CDIN1: variants seen among roughly 807,000 people sequenced by gnomAD.
CDIN1 encodes CDAN1-interacting nuclease 1.
A neutral mutation model predicts 45.3 loss-of-function variants in CDIN1; 33 were observed. The ratio of observed to expected loss-of-function variants is 0.73; its 90% CI spans 0.55 to 0.97. The LOEUF is 0.97. Ranked by LOEUF, CDIN1 falls within the 50% of genes least tolerant of loss-of-function variation. The probability of loss-of-function intolerance (pLI) is 0.00; values close to 1 mark genes in which losing one functional copy is unlikely to be tolerated. For synonymous variants in CDIN1, 118 were observed against 124.4 expected (o/e 0.95, Z 0.34); for missense variants, 303 against 339.4 (o/e 0.89, Z 0.84).
At chr15:36,579,996 G>T in intron 1 of CDIN1, 35 bp downstream of exon 1, 1 of 1,583,724 alleles carries the variant, frequency 6.3e-7, no homozygotes, top group Non-Finnish European at 8.6e-7. Flanking sequence ...ACAGCCCTTT[G>T]CCTGCAGCAG....
At chr15:36,617,992 C>G in intron 1 of CDIN1, 2 of 783,284 alleles carry the variant, frequency 2.6e-6, no homozygotes, top group Non-Finnish European at 4.7e-6. Flanking sequence ...CACAGTATGC[C>G]TCCCCAGTCT....
intron 10 of CDIN1, among the ~76,000 whole-genome samples, chr15:36,797,943 G>A (rs1336377933): frequency 7.2e-6 from 1 of 139,688 alleles, no homozygotes; most frequent in Non-Finnish European, 1.5e-5. Flanking sequence ...TCACACCACT[G>A]CACTCCAGCC....
intron 10 of CDIN1, among the ~76,000 whole-genome samples, chr15:36,726,297 G>C (rs541998937): frequency 1.3e-5 from 2 of 152,224 alleles, no homozygotes; most frequent in East Asian, 3.9e-4. Flanking sequence ...CCCACTATCA[G>C]CTGAGCACAT....
chr15:36,701,121 G>T, intron 8 of CDIN1, among the ~76,000 whole-genome samples: 1 of 82,166 alleles, frequency 1.2e-5, no homozygotes, highest in East Asian at 5.7e-4. Context: ...TAGATAGGTA[G>T]GTAGATAGAT....
rs536907662 is a variant in CDIN1, at chr15:36,770,859, TAG to T, written c.717-37462_717-37461del. Among the ~76,000 whole-genome samples, 398 of 152,318 alleles carry T rather than the reference TAG, an allele frequency of 2.6e-3. 2 individuals carry two copies. The highest frequency in any genetic ancestry group is 3.4e-3 in the Non-Finnish European group (231 of 68,016). On this transcript the variant is annotated intron_variant, in intron 10 of 10. Transcript: ENST00000566621. Reference sequence around the variant, plus strand: ...CAGTGGCTCCCAAACTGCTGCACATTAGAGTCACCTGGTAGCTATAAAAATGC... The same window carrying T: ...CAGTGGCTCCCAAACTGCTGCACATTAGTCACCTGGTAGCTATAAAAATGC...
chr15:36,783,802 G>A (rs2054415873), intron 10 of CDIN1, among the ~76,000 whole-genome samples: 1 of 152,202 alleles, frequency 6.6e-6, no homozygotes, highest in South Asian at 2.1e-4. Flanking sequence ...AACCCACACT[G>A]CTCATAATGG....
intron 10 of CDIN1, among the ~76,000 whole-genome samples, chr15:36,731,709 C>T (rs1234026788): frequency 6.6e-6 from 1 of 152,122 alleles, no homozygotes; most frequent in East Asian, 1.9e-4. Context: ...AATAACTCAA[C>T]TTAATATTTA....
chr15:36,647,490 T>C (rs1788404855), intron 3 of CDIN1: 1 of 152,198 alleles, frequency 6.6e-6, no homozygotes. Flanking sequence ...TAATGGGCAG[T>C]CTCAGAAGAA....
chr15:36,611,031 A>G (rs1369350605), intron 1 of CDIN1, among the ~76,000 whole-genome samples: 2 of 152,222 alleles, frequency 1.3e-5, no homozygotes, highest in Non-Finnish European at 1.5e-5. Context: ...CTTCTGACTC[A>G]TTCTCTTAGC....
intron 1 of CDIN1, among the ~76,000 whole-genome samples, chr15:36,621,170 G>A (rs1247906067): frequency 6.6e-6 from 1 of 152,152 alleles, no homozygotes; most frequent in Non-Finnish European, 1.5e-5. Context: ...CCATATGTTA[G>A]ATTATGTGTG....
rs565806919 is a variant in CDIN1 at position 36,637,665 on chromosome 15, G to A, written c.102-6613G>A. On this transcript the variant is annotated intron_variant, in intron 1 of 10. Transcript: ENST00000566621. ...GAATGTACACCAAGAGACTCACCCA[G>A]GAGTGAGTCCACAGTAGTAATATTC... Among the ~76,000 whole-genome samples, 118 of 152,174 alleles carry A rather than the reference G, an allele frequency of 7.8e-4. 1 individual carries two copies. Among genetic ancestry groups the A allele is most frequent in the Non-Finnish European group, 1.5e-4 (10 of 68,034 alleles).
At position 36,692,166 on chromosome 15, in the gene CDIN1, G is replaced by GC. The variant is rs1336985777; in HGVS notation, c.468dup (p.Ile157HisfsTer8). 1 of 1,613,574 alleles carries GC rather than the reference G, an allele frequency of 6.2e-7. No homozygotes were observed. Among genetic ancestry groups the GC allele is most frequent in the Admixed American group, 1.7e-5 (1 of 59,972 alleles). On this transcript the variant is annotated frameshift_variant, in exon 7 of 11. Transcript: ENST00000566621. LOFTEE classifies it high-confidence loss of function. ...TGCTGTTACGGACCACTAGTGGACT[G>GC]CATCAAGCAGTATCCTTTCCCATAA...
In CDIN1 at chr15:36,743,020, C is replaced by T. The variant is rs552641945; in HGVS notation, c.716+33059C>T. Among the ~76,000 whole-genome samples the T allele has an allele frequency of 1.5e-3, 223 of 152,056 alleles. 1 individual carries two copies. Among genetic ancestry groups the T allele is most frequent in the Non-Finnish European group, 2.9e-3 (197 of 68,024 alleles). On this transcript the variant is annotated intron_variant, in intron 10 of 10. Transcript: ENST00000566621. ...ACCTATTAAAAGGCAGACCAAATTACCTGGCATGAAAGTGGAGAAGTTTGA... is the reference window on the plus strand; with the variant it reads ...ACCTATTAAAAGGCAGACCAAATTATCTGGCATGAAAGTGGAGAAGTTTGA...
chr15:36,702,564 G>T (rs753677482), intron 8 of CDIN1, among the ~76,000 whole-genome samples: 2 of 152,030 alleles, frequency 1.3e-5, no homozygotes, highest in Non-Finnish European at 2.9e-5. Context: ...CGGGTCATCT[G>T]CTTTTGGGTC....
At chr15:36,673,544 T>A (rs1196874240) in intron 5 of CDIN1, among the ~76,000 whole-genome samples, 1 of 152,154 alleles carries the variant, frequency 6.6e-6, no homozygotes, top group Non-Finnish European at 1.5e-5. Flanking sequence ...ATTTCTTTCC[T>A]ATTTTTTAAT....
intron 10 of CDIN1, among the ~76,000 whole-genome samples, chr15:36,792,524 C>T (rs1172467542): frequency 7.0e-6 from 1 of 142,560 alleles, no homozygotes; most frequent in Non-Finnish European, 1.5e-5. Flanking sequence ...CCAATGACTC[C>T]GGAAAGTTGA....
intron 10 of CDIN1, among the ~76,000 whole-genome samples, chr15:36,806,022 C>T (rs1242531905): frequency 6.6e-6 from 1 of 152,160 alleles, no homozygotes; most frequent in African/African-American, 2.4e-5. Flanking sequence ...GTTACCTAAC[C>T]TAAACATAGT....
chr15:36,650,172 G>A (rs2140433383), intron 3 of CDIN1, among the ~76,000 whole-genome samples: 1 of 152,286 alleles, frequency 6.6e-6, no homozygotes, highest in South Asian at 2.1e-4. Flanking sequence ...TATTGATGGG[G>A]ACTTGCAGAT....
intron 1 of CDIN1, among the ~76,000 whole-genome samples, chr15:36,608,482 T>C (rs1566829566): frequency 1.3e-5 from 2 of 152,328 alleles, no homozygotes; most frequent in East Asian, 3.9e-4. Flanking sequence ...TGAAGAAATG[T>C]CTATCTACAT....
Sources: gnomAD v4.1 joint callset for allele counts (sites outside exome capture counted in the v4.1 genomes callset) on GRCh38, gnomAD v4.1.1 for gene constraint, MANE v1.5 for transcripts, NCBI Gene and HGNC (gene_info 2026-07-23, HGNC 2026-07-21) for gene names.